PIAS2: variants seen among roughly 807,000 people sequenced by gnomAD.
PIAS2 encodes protein inhibitor of activated STAT 2, also known as E3 SUMO-protein ligase PIAS2.
A neutral mutation model predicts 69.7 loss-of-function variants in PIAS2; 19 were observed. The observed-to-expected ratio is 0.27, with a 90% CI of 0.19 to 0.40. The LOEUF is 0.40. Among genes scored for constraint, PIAS2 ranks in the 10% least tolerant of loss-of-function variants. The pLI, the probability that PIAS2 is intolerant of heterozygous loss-of-function variation, is 1.00. For synonymous variants in PIAS2, 261 were observed against 263.2 expected (o/e 0.99, Z 0.08); for missense variants, 624 against 757.0 (o/e 0.82, Z 2.06).
At chr18:46,893,024 T>C (rs1416063224) in intron 1 of PIAS2, among the ~76,000 whole-genome samples, 2 of 152,176 alleles carry the variant, frequency 1.3e-5, no homozygotes, top group East Asian at 1.9e-4. Flanking sequence ...GCTACCACAC[T>C]GTGGTAGCTC....
At chr18:46,890,029 CAT>C (rs2053818966) in intron 2 of PIAS2, among the ~76,000 whole-genome samples, 1 of 152,168 alleles carries the variant, frequency 6.6e-6, no homozygotes, top group African/African-American at 2.4e-5. Context: ...GAAATTCTAA[CAT>C]AAACTACAGC....
intron 2 of PIAS2, among the ~76,000 whole-genome samples, chr18:46,867,035 G>A (rs1037050355): frequency 2.0e-5 from 3 of 152,078 alleles, no homozygotes; most frequent in Non-Finnish European, 4.4e-5. Flanking sequence ...TGTTGTACAT[G>A]TATGTTCAAC....
At chr18:46,906,445 ATAAT>A (rs959649407) in intron 1 of PIAS2, 2 of 152,170 alleles carry the variant, frequency 1.3e-5, no homozygotes, top group African/African-American at 4.8e-5. Flanking sequence ...AAATCTAAAG[ATAAT>A]TAATCACAAT....
At chr18:46,885,304 G>A (rs956795555) in intron 2 of PIAS2, among the ~76,000 whole-genome samples, 3 of 152,114 alleles carry the variant, frequency 2.0e-5, no homozygotes, top group African/African-American at 7.2e-5. Context: ...AGACCACGAG[G>A]TCAGGAGTTC....
intron 2 of PIAS2, among the ~76,000 whole-genome samples, chr18:46,880,758 C>T (rs966534988): frequency 3.2e-4 from 49 of 152,272 alleles, no homozygotes; most frequent in East Asian, 5.8e-4. Flanking sequence ...AATACAGGCT[C>T]TCTTCTATAT....
In PIAS2 at chr18:46,855,439, C is replaced by T. The variant is rs1357555635; in HGVS notation, c.636-4G>A. On this transcript the variant is annotated splice_polypyrimidine_tract_variant and splice_region_variant and intron_variant, in intron 4 of 13. Coordinates refer to ENST00000585916, the MANE Select transcript of PIAS2 (RefSeq NM_004671.5). Reference sequence around the variant, plus strand: ...ACTTGTCTCTGCCAGGCAAAGTCTGCATTAATAAAAGAAAAAAGTATTCTT... The same window carrying T: ...ACTTGTCTCTGCCAGGCAAAGTCTGTATTAATAAAAGAAAAAAGTATTCTT... The T allele has an allele frequency of 1.9e-6, 3 of 1,607,448 alleles. No individual in the cohort carries two copies. The highest frequency in any genetic ancestry group is 2.7e-5 in the African/African-American group (2 of 74,500).
chr18:46,904,011 A>G (rs2056251614), intron 1 of PIAS2: 1 of 152,248 alleles, frequency 6.6e-6, no homozygotes, highest in South Asian at 2.1e-4. Flanking sequence ...TTGAAAAGAC[A>G]AAAATCATAG....
intron 9 of PIAS2, among the ~76,000 whole-genome samples, chr18:46,835,661 A>G (rs1228330371): frequency 6.6e-6 from 1 of 152,170 alleles, no homozygotes; most frequent in East Asian, 1.9e-4. Context: ...TTGAGTAAAA[A>G]TCATATGTAT....
In PIAS2 at chr18:46,821,031, A is replaced by ACAG; in HGVS notation, c.1549_1550insCTG (p.Ser516_Val517insAla). ...AATAGCAGCAGGATCAACCGAAGTCACACTGGGCACCCTTACAGAAGATGG... is the reference window on the plus strand; with the variant it reads ...AATAGCAGCAGGATCAACCGAAGTCACAGCACTGGGCACCCTTACAGAAGATGG... On this transcript the variant is annotated inframe_insertion, in exon 12 of 14. Transcript: ENST00000585916. 1 of 1,613,628 alleles carries ACAG rather than the reference A, an allele frequency of 6.2e-7. No homozygotes were observed. Among genetic ancestry groups the ACAG allele is most frequent in the Non-Finnish European group, 8.5e-7 (1 of 1,179,626 alleles).
intron 5 of PIAS2, among the ~76,000 whole-genome samples, chr18:46,854,904 C>T (rs559641402): frequency 4.7e-4 from 71 of 152,180 alleles, no homozygotes; most frequent in Middle Eastern, 3.4e-3. Flanking sequence ...CCAAGTCCTC[C>T]CCTTCAACTA....
Position 46,867,457 on chromosome 18 carries a change from T to C in PIAS2, c.500-3209A>G, listed in dbSNP as rs536542079. ...AGTGAATTTGTTAGCTAAATGGTTA[T>C]TTTAACATAACCATGAGAAAGAATG... On this transcript the variant is annotated intron_variant, in intron 2 of 13. Transcript: ENST00000585916. 9.8e-5 allele frequency among the ~76,000 whole-genome samples: 15 copies of C among 152,364 alleles called. No homozygotes were observed. The East Asian group carries it at 2.9e-3, about 29-fold the overall frequency.
Position 46,910,012 on chromosome 18 carries a change from A to T in PIAS2, c.24+7310T>A, listed in dbSNP as rs540984148. Reference sequence around the variant, plus strand: ...TGAAAACTAATAATACAAAAAAATTAGCCGGGCATGGTGCACACCTGTAAT... The same window carrying T: ...TGAAAACTAATAATACAAAAAAATTTGCCGGGCATGGTGCACACCTGTAAT... On this transcript the variant is annotated intron_variant, in intron 1 of 13. Transcript: ENST00000585916. Among the ~76,000 whole-genome samples, 99 of 152,216 alleles carry T rather than the reference A, an allele frequency of 6.5e-4. 1 individual carries two copies. Among genetic ancestry groups the T allele is most frequent in the South Asian group, 3.5e-3 (17 of 4,822 alleles).
intron 3 of PIAS2, among the ~76,000 whole-genome samples, chr18:46,857,828 A>C (rs561379895): frequency 6.6e-6 from 1 of 152,346 alleles, no homozygotes; most frequent in South Asian, 2.1e-4. Flanking sequence ...GAAGTTTTAC[A>C]TACTGGTCCA....
intron 1 of PIAS2, among the ~76,000 whole-genome samples, chr18:46,904,699 C>A (rs374317895): frequency 9.3e-5 from 14 of 150,294 alleles, no homozygotes; most frequent in African/African-American, 2.5e-4. Context: ...TGCAGTGAGC[C>A]GAGATCGCGC....
intron 8 of PIAS2, among the ~76,000 whole-genome samples, chr18:46,843,529 A>G (rs746982211): frequency 5.3e-5 from 8 of 152,188 alleles, no homozygotes; most frequent in Non-Finnish European, 1.0e-4. Flanking sequence ...GCAAGCCTCA[A>G]TATTTTCTCC....
At chr18:46,816,510 C>T in intron 12 of PIAS2, 2 of 902,206 alleles carry the variant, frequency 2.2e-6, no homozygotes, top group Non-Finnish European at 2.7e-6. Flanking sequence ...ACTGAGTCTG[C>T]TCTGTTGCCC....
rs925389366 is a variant in PIAS2, at chr18:46,803,386, T to C, written c.*9047A>G. ...TCCACTAACCACTTGCTTCTTGAAA[T>C]ACTCTATTTTTTGGCCTCTGTAATA... On this transcript the variant is annotated 3_prime_UTR_variant, in exon 14 of 14. Coordinates refer to ENST00000585916, the MANE Select transcript of PIAS2 (RefSeq NM_004671.5). The C allele has an allele frequency of 2.0e-5, 3 of 152,234 alleles. No homozygotes were observed. The highest frequency in any genetic ancestry group is 2.9e-5 in the Non-Finnish European group (2 of 68,038). The allele number at this position is 152,234 out of a possible 1,614,324, so 9.4% of individuals were successfully genotyped here.
rs2045826915 is a variant in PIAS2 at position 46,844,141 on chromosome 18, AG to A, written c.968-15del. 1.5e-6 allele frequency: 2 copies of A among 1,297,224 alleles called. No individual in the cohort carries two copies. The highest frequency in any genetic ancestry group is 2.9e-5 in the Admixed American group (1 of 34,488). The allele number at this position is 1,297,224 out of a possible 1,614,324, so 80.4% of individuals were successfully genotyped here. On this transcript the variant is annotated splice_polypyrimidine_tract_variant and intron_variant, in intron 7 of 13. Coordinates refer to ENST00000585916, the MANE Select transcript of PIAS2 (RefSeq NM_004671.5). ...GTTTTTCTTTAACTTTAAAAAGAAG[AG>A]AAAAAAAAAAATTTAAAAAAATTAA... is the stretch of plus-strand genomic sequence containing the variant.
chr18:46,826,745 C>T (rs906217175), intron 11 of PIAS2: 1 of 152,144 alleles, frequency 6.6e-6, no homozygotes, highest in African/African-American at 2.4e-5. Context: ...AAAACCCCAC[C>T]TCATTCTAAT....
Sources: gnomAD v4.1 joint callset for allele counts (sites outside exome capture counted in the v4.1 genomes callset) on GRCh38, gnomAD v4.1.1 for gene constraint, MANE v1.5 for transcripts, NCBI Gene and HGNC (gene_info 2026-07-23, HGNC 2026-07-21) for gene names.